Variants in GPR158 observed in about 807,000 individuals in gnomAD.
GPR158 encodes metabotropic glycine receptor.
GPR158 carries 30 observed loss-of-function variants against 78.2 expected under a neutral mutation model. That is an observed-to-expected ratio of 0.38 (90% CI 0.29 to 0.52). The LOEUF (loss-of-function observed/expected upper bound fraction) is 0.52. GPR158 is among the 20% of genes least tolerant of loss of function. The pLI, the probability that GPR158 is intolerant of heterozygous loss-of-function variation, is 0.83. For synonymous variants in GPR158, 581 were observed against 591.1 expected (o/e 0.98, Z 0.25); for missense variants, 1,463 against 1,523.5 (o/e 0.96, Z 0.66).
chr10:25,461,691 T>G (rs531615421), intron 4 of GPR158, among the ~76,000 whole-genome samples: 2 of 151,352 alleles, frequency 1.3e-5, no homozygotes, highest in African/African-American at 2.4e-5. Flanking sequence ...TCAATATTGA[T>G]GAAATAGCCC....
At chr10:25,481,584 C>T (rs2130636757) in intron 5 of GPR158, among the ~76,000 whole-genome samples, 1 of 152,300 alleles carries the variant, frequency 6.6e-6, no homozygotes, top group Admixed American at 6.5e-5. Context: ...CTGCTGTGAA[C>T]ATTAGTGTAC....
intron 5 of GPR158, among the ~76,000 whole-genome samples, chr10:25,538,247 G>C (rs1836526216): frequency 6.6e-6 from 1 of 151,732 alleles, no homozygotes; most frequent in Admixed American, 6.6e-5. Flanking sequence ...TGCTTTTTTG[G>C]CAATTATAGA....
intron 1 of GPR158, among the ~76,000 whole-genome samples, chr10:25,191,979 T>G (rs1852776899): frequency 6.6e-6 from 1 of 152,120 alleles, no homozygotes; most frequent in Non-Finnish European, 1.5e-5. Flanking sequence ...TTCTACAGGT[T>G]TTTTAAGTAC....
intron 2 of GPR158, among the ~76,000 whole-genome samples, chr10:25,358,228 C>T (rs538818653): frequency 2.0e-5 from 3 of 151,292 alleles, no homozygotes; most frequent in Admixed American, 2.0e-4. Context: ...GTGGAAGGGA[C>T]TTGCCTTGTT....
intron 1 of GPR158, among the ~76,000 whole-genome samples, chr10:25,178,311 A>G (rs1389141055): frequency 1.3e-5 from 2 of 152,208 alleles, no homozygotes; most frequent in African/African-American, 2.4e-5. Flanking sequence ...ACTCTGTTCT[A>G]TGAAGGTGTC....
At chr10:25,544,741 G>T (rs1183868388) in intron 5 of GPR158, among the ~76,000 whole-genome samples, 2 of 152,038 alleles carry the variant, frequency 1.3e-5, no homozygotes, top group African/African-American at 4.8e-5. Flanking sequence ...TAAGTTTTGG[G>T]ATACATGTGA....
chr10:25,299,521 C>T (rs1854561472), intron 2 of GPR158, among the ~76,000 whole-genome samples: 1 of 152,058 alleles, frequency 6.6e-6, no homozygotes, highest in Non-Finnish European at 1.5e-5. Flanking sequence ...GCTTATTTCA[C>T]TTAGTATAAT....
chr10:25,480,508 C>A (rs115761357), intron 5 of GPR158, among the ~76,000 whole-genome samples: 3 of 151,806 alleles, frequency 2.0e-5, no homozygotes. Context: ...CCTCTTCCCC[C>A]AGCCTTTGAA....
Position 25,598,077 on chromosome 10 carries a change from C to T in GPR158, c.2451C>T (p.Ser817=). 1 of 1,613,998 alleles carries T rather than the reference C, an allele frequency of 6.2e-7. No homozygotes were observed. Among genetic ancestry groups the T allele is most frequent in the Non-Finnish European group, 8.5e-7 (1 of 1,179,994 alleles). ...LKNRVFSLKK[S]HSTYDHVRDQ... ...ACCGAGTCTTCTCACTCAAGAAATCCCACAGCACTTATGACCACGTGAGAG... is the reference window on the plus strand; with the variant it reads ...ACCGAGTCTTCTCACTCAAGAAATCTCACAGCACTTATGACCACGTGAGAG... The change falls in exon 11 of 11, where the codon TCC becomes TCT. Residue 817 remains serine, a synonymous_variant. Coordinates refer to ENST00000376351, the MANE Select transcript of GPR158 (RefSeq NM_020752.3).
At chr10:25,215,705 C>T (rs775433191) in intron 1 of GPR158, among the ~76,000 whole-genome samples, 36 of 152,058 alleles carry the variant, frequency 2.4e-4, no homozygotes, top group Non-Finnish European at 4.4e-4. Context: ...CGTGGTGGTG[C>T]GCACCTGTAG....
At chr10:25,589,439 T>C (rs1837312803) in intron 8 of GPR158, among the ~76,000 whole-genome samples, 1 of 152,244 alleles carries the variant, frequency 6.6e-6, no homozygotes, top group African/African-American at 2.4e-5. Flanking sequence ...TTGTAATATG[T>C]AGCTTCATTA....
chr10:25,271,181 T>C (rs933781599), intron 2 of GPR158, among the ~76,000 whole-genome samples: 6 of 152,222 alleles, frequency 3.9e-5, no homozygotes, highest in African/African-American at 1.4e-4. Flanking sequence ...TCTGCTCAAA[T>C]AGCATTTTCT....
chr10:25,397,501 C>G (rs987292136), intron 3 of GPR158, among the ~76,000 whole-genome samples: 4 of 152,164 alleles, frequency 2.6e-5, no homozygotes, highest in African/African-American at 9.7e-5. Context: ...AGGCATAGTT[C>G]AAAGGGTTCA....
intron 2 of GPR158, among the ~76,000 whole-genome samples, chr10:25,231,909 A>G (rs1209133645): frequency 6.6e-6 from 1 of 152,138 alleles, no homozygotes; most frequent in Non-Finnish European, 1.5e-5. Context: ...TGACCTCGGG[A>G]TCAGGGTGAG....
intron 1 of GPR158, among the ~76,000 whole-genome samples, chr10:25,213,928 G>A (rs1258861851): frequency 6.6e-6 from 1 of 151,890 alleles, no homozygotes; most frequent in Admixed American, 6.6e-5. Flanking sequence ...TCTTCATTCT[G>A]CATATTATTT....
intron 4 of GPR158, among the ~76,000 whole-genome samples, chr10:25,442,434 G>A (rs72782132): frequency 6.6e-6 from 1 of 152,088 alleles, no homozygotes; most frequent in Non-Finnish European, 1.5e-5. Context: ...AGGAGCAGCT[G>A]CAGTTCAGTT....
intron 1 of GPR158, among the ~76,000 whole-genome samples, chr10:25,178,273 C>G (rs1564383717): frequency 6.6e-6 from 1 of 152,190 alleles, no homozygotes; most frequent in South Asian, 2.1e-4. Flanking sequence ...CCACTTCATA[C>G]TTCATATCAT....
At chr10:25,449,496 C>T (rs1260360943) in intron 4 of GPR158, among the ~76,000 whole-genome samples, 3 of 152,162 alleles carry the variant, frequency 2.0e-5, no homozygotes, top group Non-Finnish European at 4.4e-5. Context: ...TCATGAAGTA[C>T]CGTGTGCAGT....
chr10:25,237,606 T>C (rs921507540), intron 2 of GPR158, among the ~76,000 whole-genome samples: 51 of 152,216 alleles, frequency 3.4e-4, no homozygotes, highest in Non-Finnish European at 5.3e-4. Context: ...GCTCTTCAAA[T>C]TGACTAGTGA....
Sources: gnomAD v4.1 joint callset for allele counts (sites outside exome capture counted in the v4.1 genomes callset) on GRCh38, gnomAD v4.1.1 for gene constraint, MANE v1.5 for transcripts, NCBI Gene and HGNC (gene_info 2026-07-23, HGNC 2026-07-21) for gene names.